SPEF2: variants seen among roughly 807,000 people sequenced by gnomAD.
SPEF2 encodes sperm flagellar and cilia associated 2.
Under a neutral mutation model 224.6 loss-of-function variants are expected in SPEF2, and 187 were observed. That is an observed-to-expected ratio of 0.83 (90% CI 0.74 to 0.94). The LOEUF (loss-of-function observed/expected upper bound fraction) is 0.94. Among genes scored for constraint, SPEF2 ranks in the 40% least tolerant of loss-of-function variants. The probability of loss-of-function intolerance (pLI) is 0.00; values close to 1 mark genes in which losing one functional copy is unlikely to be tolerated. For missense variants in SPEF2, 2,170 were observed against 2,135.6 expected (o/e 1.02, Z -0.32); for synonymous variants, 715 against 707.3 (o/e 1.01, Z -0.17).
intron 5 of SPEF2, 29 bp from the exon 6 acceptor site, chr5:35,649,332 A>C: frequency 6.3e-7 from 1 of 1,585,170 alleles, no homozygotes; most frequent in Non-Finnish European, 8.6e-7. Flanking sequence ...TTTTAGAGGC[A>C]GAGAACTGAT....
Position 35,712,838 on chromosome 5 carries a change from C to T in SPEF2, c.2866C>T (p.Leu956Phe). The change falls in exon 20 of 37, where the codon CTT becomes TTT. Residue 956 changes from leucine to phenylalanine, a missense_variant. By Grantham distance (22) the Leu-to-Phe change is conservative. Transcript: ENST00000356031. ...SEAPHGKQES[L>F]QEGKGKKGET... ...AGCCCCGCATGGTAAGCAAGAATCTCTTCAGGAAGGAAAAGGGAAGAAAGG... is the reference window on the plus strand; with the variant it reads ...AGCCCCGCATGGTAAGCAAGAATCTTTTCAGGAAGGAAAAGGGAAGAAAGG... The T allele has an allele frequency of 1.2e-6, 2 of 1,613,816 alleles. No individual in the cohort carries two copies. Among genetic ancestry groups the T allele is most frequent in the Non-Finnish European group, 1.7e-6 (2 of 1,179,916 alleles).
At chr5:35,715,396 T>C (rs1742347076) in intron 20 of SPEF2, among the ~76,000 whole-genome samples, 1 of 152,074 alleles carries the variant, frequency 6.6e-6, no homozygotes, top group Non-Finnish European at 1.5e-5. Context: ...AAAAAAGTCC[T>C]CCACAACTTA....
chr5:35,714,340 G>A (rs904337868), intron 20 of SPEF2, among the ~76,000 whole-genome samples: 1 of 151,278 alleles, frequency 6.6e-6, no homozygotes, highest in African/African-American at 2.4e-5. Flanking sequence ...CTTTTTTAAA[G>A]AGTCATAAGT....
At chr5:35,642,206 G>T (rs1746704993) in intron 3 of SPEF2, among the ~76,000 whole-genome samples, 1 of 152,278 alleles carries the variant, frequency 6.6e-6, no homozygotes, top group African/African-American at 2.4e-5. Context: ...CTTTTATTGA[G>T]TTCTTCTGCT....
chr5:35,625,460 A>C (rs1744107319), intron 1 of SPEF2, among the ~76,000 whole-genome samples: 1 of 152,224 alleles, frequency 6.6e-6, no homozygotes, highest in Admixed American at 6.5e-5. Context: ...GACTTTCAGC[A>C]TTCAGTCAAC....
chr5:35,775,657 G>GGTGGAT (rs1753511578), intron 28 of SPEF2, among the ~76,000 whole-genome samples: 1 of 152,102 alleles, frequency 6.6e-6, no homozygotes, highest in African/African-American at 2.4e-5. Context: ...ATAGTGTGGA[G>GGTGGAT]GTGGATTTGG....
At chr5:35,713,030 A>C in intron 20 of SPEF2, 144 bp downstream of exon 20, 1 of 764,644 alleles carries the variant, frequency 1.3e-6, no homozygotes, top group South Asian at 2.1e-5. Context: ...CAAAGAATAT[A>C]GTCGCAAACT....
At chr5:35,755,108 C>G (rs1402858955) in intron 24 of SPEF2, among the ~76,000 whole-genome samples, 1 of 152,202 alleles carries the variant, frequency 6.6e-6, no homozygotes, top group African/African-American at 2.4e-5. Flanking sequence ...AGACCCCATG[C>G]AGCCATGTTA....
chr5:35,647,318 G>C (rs1747523677), intron 5 of SPEF2, among the ~76,000 whole-genome samples: 1 of 151,998 alleles, frequency 6.6e-6, no homozygotes, highest in Admixed American at 6.6e-5. Flanking sequence ...GAGAGAAAGT[G>C]AGAGAGAGGG....
intron 33 of SPEF2, among the ~76,000 whole-genome samples, chr5:35,799,356 C>T (rs1757111898): frequency 1.3e-5 from 2 of 152,304 alleles, no homozygotes; most frequent in Middle Eastern, 3.4e-3. Context: ...CTGCCAAATG[C>T]ACAAGACCCT....
At chr5:35,770,510 C>G (rs1220264486) in intron 26 of SPEF2, among the ~76,000 whole-genome samples, 1 of 152,124 alleles carries the variant, frequency 6.6e-6, no homozygotes, top group Non-Finnish European at 1.5e-5. Context: ...TTTCCCTGTC[C>G]CACATACTCA....
intron 10 of SPEF2, chr5:35,671,195 G>A (rs1200604706): frequency 4.1e-6 from 4 of 985,058 alleles, no homozygotes; most frequent in Non-Finnish European, 4.8e-6. Flanking sequence ...ACTCAACAAA[G>A]GTTTGTGGGA....
At chr5:35,794,138 A>G (rs949455797) in intron 32 of SPEF2, among the ~76,000 whole-genome samples, 2 of 152,246 alleles carry the variant, frequency 1.3e-5, no homozygotes, top group Non-Finnish European at 2.9e-5. Context: ...AAGAAAAGTC[A>G]ACTGATTTTT....
intron 24 of SPEF2, 56 bp downstream of exon 24, chr5:35,753,817 A>G: frequency 6.2e-7 from 1 of 1,604,318 alleles, no homozygotes; most frequent in Non-Finnish European, 8.5e-7. Flanking sequence ...CTCATTCCTC[A>G]GTCCTTCATA....
chr5:35,646,851 A>G, intron 5 of SPEF2, 44 bp downstream of exon 5: 1 of 1,596,940 alleles, frequency 6.3e-7, no homozygotes, highest in Non-Finnish European at 8.5e-7. Flanking sequence ...TATCTTAACT[A>G]AAGAATAGTC....
intron 11 of SPEF2, 139 bp from the exon 12 acceptor site, chr5:35,692,431 A>AAC (rs1754653162): frequency 1.5e-6 from 1 of 673,728 alleles, no homozygotes; most frequent in Admixed American, 2.7e-5. Flanking sequence ...AACCAAACAA[A>AAC]ACAAAAAAGA....
At chr5:35,646,839 T>C (rs758673955) in intron 5 of SPEF2, 32 bp downstream of exon 5, 9 of 1,606,472 alleles carry the variant, frequency 5.6e-6, no homozygotes, top group Middle Eastern at 1.7e-4. Context: ...TTGTGCTGTG[T>C]TTATCTTAAC....
At chr5:35,653,894 C>T (rs1748560575) in intron 6 of SPEF2, among the ~76,000 whole-genome samples, 1 of 145,470 alleles carries the variant, frequency 6.9e-6, no homozygotes, top group African/African-American at 2.6e-5. Context: ...TTGCAGTAAG[C>T]CGAGATCGCA....
chr5:35,644,536 A>T lies in SPEF2; in HGVS notation c.585+11A>T. On this transcript the variant is annotated intron_variant, in intron 4 of 36. Coordinates refer to ENST00000356031, the MANE Select transcript of SPEF2 (RefSeq NM_024867.4). The stretch of plus-strand genomic sequence containing the variant: ...TTTGATATTGAAAAGGTTCTATAGA[A>T]CTATTTTTTCAGAAATTCATTAGTG... 6.3e-7 allele frequency: 1 copy of T among 1,578,072 alleles called. No individual in the cohort carries two copies. Among genetic ancestry groups the T allele is most frequent in the Non-Finnish European group, 8.6e-7 (1 of 1,164,870 alleles).
Sources: allele counts gnomAD v4.1 joint callset (sites outside exome capture counted in the v4.1 genomes callset), GRCh38; gene constraint gnomAD v4.1.1; transcripts MANE v1.5; gene names NCBI Gene and HGNC (gene_info 2026-07-23, HGNC 2026-07-21).